Variants in TMEM132D observed in about 807,000 individuals in gnomAD.
TMEM132D encodes mature OL transmembrane protein.
Under a neutral mutation model 62.3 loss-of-function variants are expected in TMEM132D, and 21 were observed. The observed-to-expected ratio is 0.34, with a 90% CI of 0.24 to 0.49. The LOEUF (loss-of-function observed/expected upper bound fraction) is 0.49, where lower values mean the gene tolerates loss of function less well. Among genes scored for constraint, TMEM132D ranks in the 20% least tolerant of loss-of-function variants. The pLI is 0.99. For synonymous variants in TMEM132D, 621 were observed against 575.6 expected, an observed-to-expected ratio of 1.08 and a Z score of -1.13; for missense variants, 1,346 against 1,402.8, an observed-to-expected ratio of 0.96 and a Z score of 0.65.
At chr12:129,702,308 G>A (rs1247631321) in intron 1 of TMEM132D, among the ~76,000 whole-genome samples, 4 of 151,956 alleles carry the variant, frequency 2.6e-5, no homozygotes, top group African/African-American at 7.3e-5. Context: ...AGGGTTCAAC[G>A]TCATAAATAT....
chr12:129,837,089 T>C (rs1208079925), intron 1 of TMEM132D, among the ~76,000 whole-genome samples: 2 of 152,200 alleles, frequency 1.3e-5, no homozygotes, highest in African/African-American at 4.8e-5. Flanking sequence ...AACAGCGCTG[T>C]ATGTGACCAC....
intron 5 of TMEM132D, among the ~76,000 whole-genome samples, chr12:129,164,274 G>C (rs1439005418): frequency 2.0e-5 from 3 of 152,210 alleles, no homozygotes; most frequent in East Asian, 1.9e-4. Context: ...CCTTAGTCAA[G>C]GCTTAGCCTC....
At chr12:129,452,216 T>C (rs1566073265) in intron 3 of TMEM132D, among the ~76,000 whole-genome samples, 2 of 152,162 alleles carry the variant, frequency 1.3e-5, no homozygotes, top group South Asian at 2.1e-4. Context: ...GGGCAGTGCG[T>C]AATAGCGCCT....
chr12:129,384,515 CTT>C (rs111767484), intron 3 of TMEM132D, among the ~76,000 whole-genome samples: 1 of 145,670 alleles, frequency 6.9e-6, no homozygotes. Flanking sequence ...CTGCTCTGTG[CTT>C]TTTTTTTTTG....
At chr12:129,132,372 A>G (rs1466996332) in intron 5 of TMEM132D, among the ~76,000 whole-genome samples, 3 of 152,226 alleles carry the variant, frequency 2.0e-5, no homozygotes, top group African/African-American at 7.2e-5. Flanking sequence ...GTTCAAAGCA[A>G]CAATTTCTAT....
chr12:129,814,615 A>AT (rs1021696483), intron 1 of TMEM132D, among the ~76,000 whole-genome samples: 9 of 150,910 alleles, frequency 6.0e-5, no homozygotes, highest in African/African-American at 2.2e-4. Context: ...CCCTCTCAAA[A>AT]AAAAAAAAAA....
chr12:129,158,483 A>G (rs1877307390), intron 5 of TMEM132D, among the ~76,000 whole-genome samples: 1 of 152,268 alleles, frequency 6.6e-6, no homozygotes. Flanking sequence ...AACTCAGAAC[A>G]TAAAAGTGGT....
intron 2 of TMEM132D, among the ~76,000 whole-genome samples, chr12:129,616,388 C>G (rs75541649): frequency 3.3e-5 from 5 of 152,170 alleles, no homozygotes; most frequent in Non-Finnish European, 7.4e-5. Context: ...CCTTCTTTTT[C>G]ATTGAGGGGC....
chr12:129,150,702 G>A (rs1164775550), intron 5 of TMEM132D, among the ~76,000 whole-genome samples: 2 of 152,246 alleles, frequency 1.3e-5, no homozygotes, highest in African/African-American at 4.8e-5. Flanking sequence ...CACTGAAGAT[G>A]TGGCAGGTTC....
intron 2 of TMEM132D, among the ~76,000 whole-genome samples, chr12:129,603,534 A>C (rs752093226): frequency 3.9e-5 from 6 of 152,168 alleles, no homozygotes; most frequent in Non-Finnish European, 8.8e-5. Context: ...TTCTCAACAG[A>C]AGACATTTAT....
intron 5 of TMEM132D, among the ~76,000 whole-genome samples, chr12:129,123,859 T>C (rs1876135902): frequency 6.6e-6 from 1 of 152,118 alleles, no homozygotes; most frequent in Admixed American, 6.5e-5. Context: ...CCCCTCCTGA[T>C]TCTCAGGCCT....
At chr12:129,304,963 C>T (rs1404796189) in intron 4 of TMEM132D, among the ~76,000 whole-genome samples, 1 of 152,186 alleles carries the variant, frequency 6.6e-6, no homozygotes, top group Admixed American at 6.5e-5. Flanking sequence ...TGCGCCTGGC[C>T]AAGCTCTTTC....
chr12:129,288,502 G>T (rs531617326), intron 4 of TMEM132D, among the ~76,000 whole-genome samples: 81 of 152,240 alleles, frequency 5.3e-4, no homozygotes, highest in African/African-American at 1.8e-3. Context: ...GTATGAAAAG[G>T]TGCTCAATGT....
intron 3 of TMEM132D, among the ~76,000 whole-genome samples, chr12:129,343,386 T>C (rs1286274266): frequency 1.6e-5 from 2 of 123,510 alleles, no homozygotes; most frequent in Admixed American, 1.9e-4. Flanking sequence ...TGAGAACACA[T>C]GGACAGAGGA....
At chr12:129,751,568 A>G (rs1335942367) in intron 1 of TMEM132D, among the ~76,000 whole-genome samples, 1 of 152,188 alleles carries the variant, frequency 6.6e-6, no homozygotes. Flanking sequence ...GCACTGACTC[A>G]GGACCCTGCC....
chr12:129,725,101 C>T (rs569046469), intron 1 of TMEM132D, among the ~76,000 whole-genome samples: 75 of 152,324 alleles, frequency 4.9e-4, no homozygotes, highest in Middle Eastern at 6.8e-3. Flanking sequence ...ACAGTGGAGG[C>T]TTCATCAGCC....
chr12:129,340,509 C>T (rs1435212649), intron 3 of TMEM132D, among the ~76,000 whole-genome samples: 19 of 151,576 alleles, frequency 1.3e-4, no homozygotes, highest in Admixed American at 1.3e-3. Flanking sequence ...TTCCTGTGTC[C>T]ATGTGTTCTC....
chr12:129,363,005 A>G (rs991764546), intron 3 of TMEM132D, among the ~76,000 whole-genome samples: 1 of 152,204 alleles, frequency 6.6e-6, no homozygotes, highest in African/African-American at 2.4e-5. Flanking sequence ...GAAGTTTTTC[A>G]TCTGCTACAT....
intron 1 of TMEM132D, among the ~76,000 whole-genome samples, chr12:129,884,775 T>C (rs1194472939): frequency 6.6e-6 from 1 of 152,232 alleles, no homozygotes; most frequent in Non-Finnish European, 1.5e-5. Flanking sequence ...GGTATTTACC[T>C]ACATACCTAC....
Sources: allele counts gnomAD v4.1 joint callset (sites outside exome capture counted in the v4.1 genomes callset), GRCh38; gene constraint gnomAD v4.1.1; transcripts MANE v1.5; gene names NCBI Gene and HGNC (gene_info 2026-07-23, HGNC 2026-07-21).